Variants in FRMD3 observed in about 807,000 individuals in gnomAD.
FRMD3 encodes FERM domain containing 3.
A neutral mutation model predicts 70.2 loss-of-function variants in FRMD3; 33 were observed. That is an observed-to-expected ratio of 0.47 (90% CI 0.36 to 0.63). FRMD3 has a LOEUF of 0.63. Ranked by LOEUF, FRMD3 falls within the 20% of genes least tolerant of loss-of-function variation. FRMD3 has a pLI of 0.00. For missense variants in FRMD3, 632 were observed against 711.4 expected, an observed-to-expected ratio of 0.89 and a Z score of 1.27; for synonymous variants, 279 against 255.9, an observed-to-expected ratio of 1.09 and a Z score of -0.86.
At chr9:83,530,422 A>G (rs548055041) in intron 1 of FRMD3, among the ~76,000 whole-genome samples, 54 of 152,334 alleles carry the variant, frequency 3.5e-4, no homozygotes, top group Non-Finnish European at 5.3e-4. Flanking sequence ...TTTTTATCAA[A>G]TGTCCAGAAT....
intron 12 of FRMD3, among the ~76,000 whole-genome samples, chr9:83,293,810 G>A (rs1471562980): frequency 1.3e-5 from 2 of 152,224 alleles, no homozygotes; most frequent in East Asian, 3.9e-4. Flanking sequence ...GACTCCTGCA[G>A]TGGATTACAA....
At chr9:83,299,295 T>C (rs2119021899) in intron 10 of FRMD3, 109 bp from the exon 11 acceptor site, 3 of 664,608 alleles carry the variant, frequency 4.5e-6, no homozygotes, top group Admixed American at 3.1e-5. Context: ...GAAATGTAAT[T>C]TACCTTGTGA....
At chr9:83,318,354 C>G (rs1236031220) in intron 6 of FRMD3, among the ~76,000 whole-genome samples, 1 of 152,082 alleles carries the variant, frequency 6.6e-6, no homozygotes, top group Non-Finnish European at 1.5e-5. Flanking sequence ...CAGTATTTGC[C>G]TTTTCTGTTT....
At chr9:83,258,565 G>C (rs1832832311) in intron 13 of FRMD3, among the ~76,000 whole-genome samples, 1 of 152,242 alleles carries the variant, frequency 6.6e-6, no homozygotes, top group South Asian at 2.1e-4. Context: ...TATCTCACAA[G>C]GCTGTGGAAA....
At chr9:83,540,787 AT>A (rs777249739), upstream of FRMD3, among the ~76,000 whole-genome samples, 1 of 152,214 alleles carries the variant, frequency 6.6e-6, no homozygotes. Context: ...AAACAACTGT[AT>A]TTTTACAAAC....
At chr9:83,532,936 T>C (rs1829819229) in intron 1 of FRMD3, among the ~76,000 whole-genome samples, 1 of 152,164 alleles carries the variant, frequency 6.6e-6, no homozygotes. Context: ...TATAGAGACA[T>C]AGTTAATGCA....
intron 13 of FRMD3, among the ~76,000 whole-genome samples, chr9:83,265,007 T>C (rs1433822512): frequency 1.3e-5 from 2 of 152,148 alleles, no homozygotes; most frequent in African/African-American, 4.8e-5. Flanking sequence ...GGAAACACTT[T>C]TATAATCTTG....
Position 83,444,975 on chromosome 9 carries a change from T to G in FRMD3, c.148-55267A>C, listed in dbSNP as rs150780062. 3.6e-3 allele frequency among the ~76,000 whole-genome samples: 552 copies of G among 152,354 alleles called. 2 individuals carry two copies. The highest frequency in any genetic ancestry group is 0.013 in the African/African-American group (530 of 41,570). ...TTGGCTCTTTCCCGTAGTCTCAACA[T>G]TTCATTTACTTTATATTTACCCTTA... On this transcript the variant is annotated intron_variant, in intron 1 of 13. Coordinates refer to ENST00000304195, the MANE Select transcript of FRMD3 (RefSeq NM_174938.6).
At chr9:83,442,449 G>A (rs1036860109) in intron 1 of FRMD3, among the ~76,000 whole-genome samples, 3 of 151,812 alleles carry the variant, frequency 2.0e-5, no homozygotes, top group Admixed American at 2.0e-4. Context: ...GTAGAGACGG[G>A]GTTTCACCAT....
chr9:83,580,495 G>A, the FRMD3 span, among the ~76,000 whole-genome samples: 2 of 152,258 alleles, frequency 1.3e-5, no homozygotes, highest in Non-Finnish European at 2.9e-5. Context: ...AGTATACTAA[G>A]TGAAATAAGC....
At chr9:83,269,805 CAT>C (rs993853075) in intron 13 of FRMD3, among the ~76,000 whole-genome samples, 6 of 152,126 alleles carry the variant, frequency 3.9e-5, no homozygotes, top group African/African-American at 7.2e-5. Context: ...TAGCATTTCA[CAT>C]GTTTTTCACT....
At chr9:83,298,887 C>T in intron 11 of FRMD3, 71 bp from the exon 12 acceptor site, 1 of 1,449,286 alleles carries the variant, frequency 6.9e-7, no homozygotes, top group Non-Finnish European at 9.7e-7. Flanking sequence ...GCACAAGTGT[C>T]CTTTTGTTAA....
At chr9:83,450,021 A>G (rs1214233797) in intron 1 of FRMD3, among the ~76,000 whole-genome samples, 3 of 152,194 alleles carry the variant, frequency 2.0e-5, no homozygotes, top group Non-Finnish European at 4.4e-5. Context: ...CTTCACATTG[A>G]ATGCCCCTCT....
intron 1 of FRMD3, among the ~76,000 whole-genome samples, chr9:83,408,163 A>T (rs1236464192): frequency 2.6e-5 from 4 of 152,186 alleles, no homozygotes; most frequent in Admixed American, 2.0e-4. Flanking sequence ...AGGGAATTAA[A>T]CATGTCCTCT....
At chr9:83,469,662 G>A (rs551072723) in intron 1 of FRMD3, among the ~76,000 whole-genome samples, 7 of 151,976 alleles carry the variant, frequency 4.6e-5, no homozygotes, top group East Asian at 1.9e-4. Context: ...GAGCAACAAC[G>A]TCCTTTTTTA....
chr9:83,479,441 A>G (rs1316711451), intron 1 of FRMD3, among the ~76,000 whole-genome samples: 7 of 118,350 alleles, frequency 5.9e-5, no homozygotes, highest in African/African-American at 1.3e-4. Context: ...AGAAGGAAGG[A>G]AGGGAGGGAG....
chr9:83,524,271 A>C (rs917939284), intron 1 of FRMD3, among the ~76,000 whole-genome samples: 2 of 152,226 alleles, frequency 1.3e-5, no homozygotes, highest in Non-Finnish European at 2.9e-5. Flanking sequence ...AGCTAATTTG[A>C]AATTTCAAAC....
chr9:83,283,545 A>AT (rs1563993407), intron 13 of FRMD3, among the ~76,000 whole-genome samples: 36 of 25,156 alleles, frequency 1.4e-3, no homozygotes, highest in Middle Eastern at 0.033. Context: ...AAAAAAAAAA[A>AT]AAATAATAAT....
chr9:83,490,790 TCTCTCTCTCACACA>T (rs1466950371), intron 1 of FRMD3, among the ~76,000 whole-genome samples: 2 of 122,214 alleles, frequency 1.6e-5, no homozygotes, highest in African/African-American at 7.6e-5. Flanking sequence ...TCTCTCTCTC[TCTCTCTCTCACACA>T]CACACACACA....
Sources: allele counts gnomAD v4.1 joint callset (sites outside exome capture counted in the v4.1 genomes callset), GRCh38; gene constraint gnomAD v4.1.1; transcripts MANE v1.5; gene names NCBI Gene and HGNC (gene_info 2026-07-23, HGNC 2026-07-21).